Variants in BICDL1 observed in about 807,000 individuals in gnomAD.
BICDL1 encodes the protein BICD family-like cargo adapter 1.
In BICDL1, 20 loss-of-function variants were observed where a neutral mutation model predicts 76.8. The ratio of observed to expected loss-of-function variants is 0.26; its 90% confidence interval spans 0.18 to 0.38. The LOEUF (loss-of-function observed/expected upper bound fraction) is 0.38. BICDL1 is among the 10% of genes least tolerant of loss of function. The pLI, the probability that BICDL1 is intolerant of heterozygous loss-of-function variation, is 1.00. For missense variants in BICDL1, 700 were observed against 798.6 expected (o/e 0.88, Z 1.49); for synonymous variants, 383 against 337.1 (o/e 1.14, Z -1.49).
chr12:119,989,860 G>C lies in BICDL1; in HGVS notation c.-9G>C. On this transcript the variant is annotated 5_prime_UTR_variant, in exon 1 of 10. Transcript: ENST00000548673. Reference sequence around the variant, plus strand: ...GGCCGCACCGCTGCGGGCTCCGCGCGCGCGGGCCATGTCCGCTTTCTGCCT... The same window carrying C: ...GGCCGCACCGCTGCGGGCTCCGCGCCCGCGGGCCATGTCCGCTTTCTGCCT... 3 of 1,341,318 alleles carry C rather than the reference G, an allele frequency of 2.2e-6. No homozygotes were observed. The highest frequency in any genetic ancestry group is 2.8e-6 in the Non-Finnish European group (3 of 1,057,654). The allele number at this position is 1,341,318 out of a possible 1,614,324, so 83.1% of individuals were successfully genotyped here.
intron 1 of BICDL1, among the ~76,000 whole-genome samples, chr12:119,995,612 A>G (rs1281666744): frequency 1.3e-5 from 2 of 152,242 alleles, no homozygotes; most frequent in African/African-American, 4.8e-5. Context: ...AAAAAATTGA[A>G]TAAAAGCAAG....
chr12:120,070,168 A>T (rs999908983), intron 4 of BICDL1, among the ~76,000 whole-genome samples: 10 of 152,210 alleles, frequency 6.6e-5, no homozygotes, highest in African/African-American at 2.4e-4. Flanking sequence ...ATCATAGAAT[A>T]TAGATTCTAT....
intron 7 of BICDL1, among the ~76,000 whole-genome samples, chr12:120,076,859 G>A (rs1873589505): frequency 1.3e-5 from 2 of 152,234 alleles, no homozygotes; most frequent in South Asian, 2.1e-4. Flanking sequence ...CAGGCATGGC[G>A]TTCTGCATGC....
intron 2 of BICDL1, among the ~76,000 whole-genome samples, chr12:120,009,638 C>G (rs1337190531): frequency 1.3e-5 from 2 of 152,020 alleles, no homozygotes; most frequent in Admixed American, 6.5e-5. Context: ...GGTGGGGCCC[C>G]CAAATTTTGT....
intron 3 of BICDL1, 45 bp from the exon 4 acceptor site, chr12:120,064,688 C>T: frequency 6.4e-7 from 1 of 1,556,074 alleles, no homozygotes; most frequent in Non-Finnish European, 8.7e-7. Context: ...ACTTGTCAGC[C>T]CGGGTGTAAC....
Position 120,091,006 on chromosome 12 carries a change from C to G in BICDL1, c.1704+935C>G, listed in dbSNP as rs749626216. On this transcript the variant is annotated intron_variant, in intron 9 of 9. Coordinates refer to ENST00000548673, the MANE Select transcript of BICDL1 (RefSeq NM_001367886.1). ...TATCAACAGCTTTAGTTGTACACCCCTCCTGCCTTTGAGGTGAGCCTGAGC... is the reference window on the plus strand; with the variant it reads ...TATCAACAGCTTTAGTTGTACACCCGTCCTGCCTTTGAGGTGAGCCTGAGC... The G allele has an allele frequency of 2.3e-6, 3 of 1,288,996 alleles. No individual in the cohort carries two copies. In the Admixed American group the frequency reaches 6.9e-5, roughly 30 times the overall value. The allele number at this position is 1,288,996 out of a possible 1,614,324, so 79.8% of individuals were successfully genotyped here.
intron 4 of BICDL1, among the ~76,000 whole-genome samples, chr12:120,067,921 A>G (rs1252278282): frequency 6.6e-6 from 1 of 152,248 alleles, no homozygotes; most frequent in African/African-American, 2.4e-5. Flanking sequence ...CTGGACCAGC[A>G]GGTATTGCTG....
At chr12:120,092,025 G>A (rs2139033280) in intron 9 of BICDL1, 3 of 985,462 alleles carry the variant, frequency 3.0e-6, no homozygotes, top group Non-Finnish European at 2.4e-6. Flanking sequence ...GAGCCTGCCA[G>A]GTTCAAGTCA....
intron 2 of BICDL1, among the ~76,000 whole-genome samples, chr12:120,027,584 G>A (rs1952333748): frequency 6.6e-6 from 1 of 152,076 alleles, no homozygotes; most frequent in Non-Finnish European, 1.5e-5. Context: ...TTGATCATCC[G>A]GGTCCTGCGC....
In BICDL1 at chr12:119,989,595, C is replaced by G. The variant is rs1951468237; in HGVS notation, c.-274C>G. The stretch of plus-strand genomic sequence containing the variant: ...TGAGTCCTCCCTTCCCCAGCCTTCC[C>G]GTTCCCACCACCTACTCCGCCACTA... On this transcript the variant is annotated 5_prime_UTR_variant, in exon 1 of 10. Coordinates refer to ENST00000548673, the MANE Select transcript of BICDL1 (RefSeq NM_001367886.1). 1.3e-5 allele frequency among the ~76,000 whole-genome samples: 2 copies of G among 150,282 alleles called. No individual in the cohort carries two copies. The highest frequency in any genetic ancestry group is 4.9e-5 in the African/African-American group (2 of 41,190).
At chr12:120,089,840 G>T in intron 8 of BICDL1, 111 bp from the exon 9 acceptor site, 1 of 1,324,414 alleles carries the variant, frequency 7.6e-7, no homozygotes, top group Non-Finnish European at 1.0e-6. Flanking sequence ...TTTGTTGTGA[G>T]TTCAGGGTCA....
intron 8 of BICDL1, among the ~76,000 whole-genome samples, chr12:120,081,371 G>T (rs144618415): frequency 0.019 from 2,024 of 104,068 alleles, 69 homozygotes; most frequent in African/African-American, 0.075. Flanking sequence ...TTTTTTTTGA[G>T]ACGGAGTTTT....
intron 2 of BICDL1, among the ~76,000 whole-genome samples, chr12:120,043,848 G>A (rs766239436): frequency 1.8e-4 from 28 of 152,306 alleles, no homozygotes; most frequent in Middle Eastern, 6.8e-3. Flanking sequence ...CTTTATTAGG[G>A]AAGCAAAGAT....
At chr12:120,040,790 C>CA (rs1832082126) in intron 2 of BICDL1, among the ~76,000 whole-genome samples, 1 of 146,172 alleles carries the variant, frequency 6.8e-6, no homozygotes, top group Non-Finnish European at 1.5e-5. Context: ...CTCTGTCGCT[C>CA]AGACTGGAGT....
At chr12:120,064,975 G>A in intron 4 of BICDL1, 96 bp downstream of exon 4, 2 of 1,392,784 alleles carry the variant, frequency 1.4e-6, no homozygotes. Flanking sequence ...TCACTGCTGG[G>A]GTAAGCTGGG....
intron 2 of BICDL1, 49 bp from the exon 3 acceptor site, chr12:120,061,661 T>G (rs751771608): frequency 7.1e-6 from 9 of 1,260,532 alleles, no homozygotes; most frequent in Admixed American, 1.7e-5. Context: ...CTTAACAGAG[T>G]TCCTTTGCAT....
chr12:120,008,106 G>C (rs1951882808), intron 2 of BICDL1, among the ~76,000 whole-genome samples: 1 of 147,230 alleles, frequency 6.8e-6, no homozygotes, highest in African/African-American at 2.5e-5. Flanking sequence ...GACCTCTTCT[G>C]ATCCCATTCC....
chr12:119,989,743 C>G lies in BICDL1; in HGVS notation c.-126C>G, dbSNP rs1177589307. 3 of 249,880 alleles carry G rather than the reference C, an allele frequency of 1.2e-5. No individual in the cohort carries two copies. Among genetic ancestry groups the G allele is most frequent in the Non-Finnish European group, 1.9e-5 (3 of 161,686 alleles). The allele number at this position is 249,880 out of a possible 1,614,324, so 15.5% of individuals were successfully genotyped here. A position where few individuals can be genotyped will look rare whatever the true frequency, so the allele number is the denominator to read the frequency against. On this transcript the variant is annotated 5_prime_UTR_variant, in exon 1 of 10. Transcript: ENST00000548673. ...CGCCGCGCCCAGGGCTCGCGGGGAC[C>G]CGGGGGCGCGTGCCGCGGCGCGAGG... is the stretch of plus-strand genomic sequence containing the variant.
intron 2 of BICDL1, among the ~76,000 whole-genome samples, chr12:120,012,134 C>T (rs1356030300): frequency 2.0e-5 from 3 of 152,150 alleles, no homozygotes; most frequent in Non-Finnish European, 2.9e-5. Flanking sequence ...AGGGCGGCTT[C>T]TCCTCTCACC....
Sources: allele counts gnomAD v4.1 joint callset (sites outside exome capture counted in the v4.1 genomes callset), GRCh38; gene constraint gnomAD v4.1.1; transcripts MANE v1.5; gene names NCBI Gene and HGNC (gene_info 2026-07-23, HGNC 2026-07-21).